Variants in UBE2J2 observed in about 807,000 individuals in gnomAD.
UBE2J2 encodes the protein ubiquitin conjugating enzyme E2 J2.
UBE2J2 carries 5 observed loss-of-function variants against 28.6 expected under a neutral mutation model. The ratio of observed to expected loss-of-function variants is 0.17; its 90% CI spans 0.09 to 0.37. UBE2J2 has a LOEUF of 0.37. UBE2J2 is among the 10% of genes least tolerant of loss of function. The pLI is 1.00. For missense variants in UBE2J2, 226 were observed against 338.9 expected (o/e 0.67, Z 2.62); for synonymous variants, 138 against 139.7 (o/e 0.99, Z 0.09).
chr1:1,266,354 G>C, intron 2 of UBE2J2: 2 of 292,414 alleles, frequency 6.8e-6, no homozygotes, highest in South Asian at 8.0e-5. Flanking sequence ...CACTTTGGGA[G>C]GCTGAGGCAG....
At chr1:1,257,453 G>A (rs893186791) in intron 3 of UBE2J2, 143 bp from the exon 4 acceptor site, 25 of 539,686 alleles carry the variant, frequency 4.6e-5, no homozygotes, top group African/African-American at 7.5e-5. Flanking sequence ...GTCCCCAGCC[G>A]GCTCCCAGGC....
chr1:1,263,313 C>T (rs747587500), intron 3 of UBE2J2, 33 bp downstream of exon 3: 1 of 1,602,016 alleles, frequency 6.2e-7, no homozygotes, highest in East Asian at 2.2e-5. Flanking sequence ...TAAAAACCGC[C>T]TGGTGTTCTT....
At position 1,255,031 on chromosome 1, in the gene UBE2J2, TC is replaced by T; in HGVS notation, c.*171del. 1 of 689,100 alleles carries T rather than the reference TC, an allele frequency of 1.5e-6. No homozygotes were observed. Among genetic ancestry groups the T allele is most frequent in the Admixed American group, 3.2e-5 (1 of 30,986 alleles). The allele number at this position is 689,100 out of a possible 1,614,324, so 42.7% of individuals were successfully genotyped here. ...CCAGGACAGGGCTGAGGCTCCAGTC[TC>T]CTCCAAAGCCCAGTCACACATTTTG... On this transcript the variant is annotated 3_prime_UTR_variant, in exon 7 of 7. Coordinates refer to ENST00000349431, the MANE Select transcript of UBE2J2 (RefSeq NM_058167.3).
intron 2 of UBE2J2, 151 bp from the exon 3 acceptor site, chr1:1,263,537 C>A: frequency 1.4e-6 from 1 of 708,724 alleles, no homozygotes; most frequent in Non-Finnish European, 2.5e-6. Flanking sequence ...CACAGCCACA[C>A]GGCTTCAAAA....
rs562221122 is a variant in UBE2J2 at position 1,266,123 on chromosome 1, T to C, written c.131+1739A>G. 3.1e-6 allele frequency: 4 copies of C among 1,304,052 alleles called. No individual in the cohort carries two copies. The East Asian group carries it at 1.7e-4, about 54-fold the overall frequency. 80.8% of individuals were successfully genotyped at this position (1,304,052 alleles called of 1,614,324 possible). A position where few individuals can be genotyped will look rare whatever the true frequency, so the allele number is the denominator to read the frequency against. ...CTGCCAGCGATGTCCTGGGGCCACA[T>C]GTGATTTTCAACACTGGGGGCAGAG... On this transcript the variant is annotated intron_variant, in intron 2 of 6. Coordinates refer to ENST00000349431, the MANE Select transcript of UBE2J2 (RefSeq NM_058167.3).
At chr1:1,266,633 A>C (rs1015938515) in intron 2 of UBE2J2, among the ~76,000 whole-genome samples, 58 of 151,874 alleles carry the variant, frequency 3.8e-4, no homozygotes, top group Non-Finnish European at 1.5e-4. Flanking sequence ...CATCCTGGCT[A>C]ACACGGTGAA....
At chr1:1,255,646 G>A (rs770692550) in intron 6 of UBE2J2, among the ~76,000 whole-genome samples, 159 bp from the exon 7 acceptor site, 5 of 152,192 alleles carry the variant, frequency 3.3e-5, no homozygotes, top group Admixed American at 6.5e-5. Context: ...GAGCGTGGCC[G>A]GCCTCACTGG....
At chr1:1,259,691 G>A (rs933894425) in intron 3 of UBE2J2, among the ~76,000 whole-genome samples, 2 of 151,996 alleles carry the variant, frequency 1.3e-5, no homozygotes, top group Non-Finnish European at 1.5e-5. Context: ...CCCGCCCTAC[G>A]CACTGTCCCC....
intron 2 of UBE2J2, among the ~76,000 whole-genome samples, chr1:1,265,751 C>T (rs1009302816): frequency 6.6e-6 from 1 of 151,952 alleles, no homozygotes; most frequent in African/African-American, 2.4e-5. Flanking sequence ...CCTCACCCTC[C>T]CAAGTAGCAA....
chr1:1,257,407 C>CGA, intron 3 of UBE2J2, 97 bp from the exon 4 acceptor site: 1 of 554,638 alleles, frequency 1.8e-6, no homozygotes, highest in Non-Finnish European at 2.8e-6. Context: ...CCCCCCCCCC[C>CGA]CTCAGCTCGG....
In UBE2J2 at chr1:1,263,231, G is replaced by A. The variant is rs993932716; in HGVS notation, c.172+115C>T. 3.1e-6 allele frequency: 3 copies of A among 968,778 alleles called. No individual in the cohort carries two copies. In the African/African-American group the frequency reaches 4.9e-5, roughly 16 times the overall value. The allele number at this position is 968,778 out of a possible 1,614,324, so 60.0% of individuals were successfully genotyped here. On this transcript the variant is annotated intron_variant, in intron 3 of 6. Coordinates refer to ENST00000349431, the MANE Select transcript of UBE2J2 (RefSeq NM_058167.3). ...AGTTCCAACTAAGCCAATTTAACTA[G>A]CACACATCCAAAGTAGAAAGGCTGC...
chr1:1,262,142 C>T lies in UBE2J2; in HGVS notation c.172+1204G>A. 2 of 331,468 alleles carry T rather than the reference C, an allele frequency of 6.0e-6. 1 individual carries two copies. The highest frequency in any genetic ancestry group is 4.4e-5 in the South Asian group (2 of 45,660). 20.5% of individuals were successfully genotyped at this position (331,468 alleles called of 1,614,324 possible). A position where few individuals can be genotyped will look rare whatever the true frequency, so the allele number is the denominator to read the frequency against. On this transcript the variant is annotated intron_variant, in intron 3 of 6. Transcript: ENST00000349431. Reference sequence around the variant, plus strand: ...AAAGTGCTGGAATTACAGGCGTGAGCCACCGCGCCCGGCCGACCACTACTC... The same window carrying T: ...AAAGTGCTGGAATTACAGGCGTGAGTCACCGCGCCCGGCCGACCACTACTC...
chr1:1,255,515 C>T (rs1313389659), intron 6 of UBE2J2, 28 bp from the exon 7 acceptor site: 1 of 1,591,716 alleles, frequency 6.3e-7, no homozygotes. Context: ...AGAAAAGCAG[C>T]TGGTCTCCAA....
chr1:1,257,380 AT>A (rs1639251566), intron 3 of UBE2J2, 70 bp from the exon 4 acceptor site: 191 of 299,292 alleles, frequency 6.4e-4, no homozygotes, highest in South Asian at 2.1e-3. Flanking sequence ...CCTCGTCCCC[AT>A]CCCCCCACGC....
At chr1:1,267,833 G>A (rs200593901) in intron 2 of UBE2J2, 29 bp downstream of exon 2, 47 of 1,611,884 alleles carry the variant, frequency 2.9e-5, no homozygotes, top group Middle Eastern at 1.7e-4. Context: ...GACAGTCAGC[G>A]CAGGGCGATC....
intron 3 of UBE2J2, chr1:1,262,300 T>C (rs1470388000): frequency 4.4e-6 from 2 of 455,878 alleles, no homozygotes; most frequent in South Asian, 1.5e-5. Context: ...ACGCTGGTCA[T>C]GGGCAATGAC....
At chr1:1,261,004 T>C (rs969753712) in intron 3 of UBE2J2, among the ~76,000 whole-genome samples, 1 of 152,158 alleles carries the variant, frequency 6.6e-6, no homozygotes, top group African/African-American at 2.4e-5. Flanking sequence ...CGGAACCCAG[T>C]GCACGGAGGG....
At chr1:1,256,167 A>G in intron 5 of UBE2J2, 42 bp from the exon 6 acceptor site, 2 of 1,415,594 alleles carry the variant, frequency 1.4e-6, no homozygotes, top group Non-Finnish European at 2.0e-6. Context: ...AACTAATTTC[A>G]ATTCTTTCAA....
At chr1:1,263,624 T>C (rs950055356) in intron 2 of UBE2J2, 1 of 433,228 alleles carries the variant, frequency 2.3e-6, no homozygotes, top group East Asian at 3.6e-5. Context: ...AAGTTTACCA[T>C]AAAGTACCTT....
Sources: allele counts gnomAD v4.1 joint callset (sites outside exome capture counted in the v4.1 genomes callset), GRCh38; gene constraint gnomAD v4.1.1; transcripts MANE v1.5; gene names NCBI Gene and HGNC (gene_info 2026-07-23, HGNC 2026-07-21).